The following BRF1 variants were observed in gnomAD, a reference collection of about 807,000 sequenced individuals.
The protein encoded by BRF1 is BRF1 general transcription factor IIIB subunit, also known as transcription factor IIIB 90 kDa subunit.
BRF1 carries 59 observed loss-of-function variants against 81.7 expected under a neutral mutation model. That is an observed-to-expected ratio of 0.72 (90% confidence interval 0.59 to 0.90). The LOEUF (loss-of-function observed/expected upper bound fraction) is 0.90. BRF1 is among the 40% of genes least tolerant of loss of function. BRF1 has a pLI of 0.00. For missense variants in BRF1, 1,050 were observed against 936.3 expected (o/e 1.12, Z -1.58); for synonymous variants, 491 against 395.6 (o/e 1.24, Z -2.86).
At chr14:105,224,653 T>C (rs187315900) in intron 10 of BRF1, among the ~76,000 whole-genome samples, 1,685 of 152,278 alleles carry the variant, frequency 0.011, 28 homozygotes, top group African/African-American at 0.037. Context: ...GTTCAAGTGA[T>C]CCTCCGGCCT....
At chr14:105,250,860 C>G in intron 5 of BRF1, 1 of 658,696 alleles carries the variant, frequency 1.5e-6, no homozygotes, top group Non-Finnish European at 2.6e-6. Context: ...TTAGGCATCT[C>G]TGGTACAGTG....
At chr14:105,249,024 C>G in intron 5 of BRF1, 1 of 1,165,698 alleles carries the variant, frequency 8.6e-7, no homozygotes, top group Non-Finnish European at 1.1e-6. Context: ...GCCGCCCACA[C>G]TCGGCAACAA....
In BRF1 at chr14:105,212,340, C is replaced by T. The variant is rs948754689; in HGVS notation, c.1773-176G>A. 6.6e-6 allele frequency: 5 copies of T among 761,358 alleles called. No homozygotes were observed. In the African/African-American group the frequency reaches 8.8e-5, roughly 13 times the overall value. The allele number at this position is 761,358 out of a possible 1,614,324, so 47.2% of individuals were successfully genotyped here. ...TCCATCAGTGCTCACTGCACATCAA[C>T]ACAGAGCTCTGACCCGTTCACATTC... is the stretch of plus-strand genomic sequence containing the variant. On this transcript the variant is annotated intron_variant, in intron 15 of 17. Coordinates refer to ENST00000547530, the MANE Select transcript of BRF1 (RefSeq NM_001519.4).
In BRF1 at chr14:105,226,078, C is replaced by T; in HGVS notation, c.1039G>A (p.Ala347Thr). ...GGCACAGTGGACTCACCATCTTTTG[C>T]CAGGCTGGCCAGGCCCCCCTTGGCC... is the stretch of plus-strand genomic sequence containing the variant. ...PKAKGGLASL[A>T]KDGSTEDTAS... The change falls in exon 10 of 18, where the codon GCA (alanine) becomes ACA (threonine). Residue 347 changes from alanine to threonine, a missense_variant. This residue lies in a region of BRF1 where 1,043 missense variants were observed against 915.4 expected (regional missense o/e 1.14). Transcript: ENST00000547530. The T allele has an allele frequency of 6.2e-7, 1 of 1,613,724 alleles. No homozygotes were observed. Among genetic ancestry groups the T allele is most frequent in the Non-Finnish European group, 8.5e-7 (1 of 1,179,936 alleles).
At chr14:105,228,402 GGCGTGGTGGCACACGCCTGT>G (rs2054164745) in intron 7 of BRF1, 1 of 159,486 alleles carries the variant, frequency 6.3e-6, no homozygotes, top group Non-Finnish European at 1.4e-5. Flanking sequence ...AAATTAGCCA[GGCGTGGTGGCACACGCCTGT>G]AATCCCAGCT....
At chr14:105,311,746 C>T (rs2058354827) in intron 1 of BRF1, among the ~76,000 whole-genome samples, 1 of 152,226 alleles carries the variant, frequency 6.6e-6, no homozygotes, top group African/African-American at 2.4e-5. Context: ...GCAGCGATCT[C>T]AGCGGTCTTA....
At chr14:105,229,048 G>C (rs1443196621) in intron 6 of BRF1, 135 bp from the exon 7 acceptor site, 14 of 788,226 alleles carry the variant, frequency 1.8e-5, no homozygotes, top group South Asian at 6.0e-5. Flanking sequence ...CAGGCAGTGA[G>C]ACCCTCACTT....
intron 6 of BRF1, among the ~76,000 whole-genome samples, chr14:105,229,643 CGGGG>C (rs1259085093): frequency 2.7e-5 from 4 of 150,936 alleles, no homozygotes; most frequent in African/African-American, 9.7e-5. Context: ...CAGCTGGGGG[CGGGG>C]GACAGCCTGG....
At chr14:105,247,937 C>A (rs932520729) in intron 5 of BRF1, 3 of 985,474 alleles carry the variant, frequency 3.0e-6, no homozygotes, top group Middle Eastern at 5.2e-4. Context: ...CCACAAGGAG[C>A]GAGCCTGCGA....
intron 2 of BRF1, among the ~76,000 whole-genome samples, chr14:105,275,664 C>A (rs1435583505): frequency 6.6e-6 from 1 of 152,226 alleles, no homozygotes; most frequent in Non-Finnish European, 1.5e-5. Context: ...GGCTGGGACT[C>A]GATCCCAAGC....
chr14:105,294,212 G>A (rs1240999869), intron 1 of BRF1, among the ~76,000 whole-genome samples: 1 of 152,220 alleles, frequency 6.6e-6, no homozygotes, highest in East Asian at 1.9e-4. Context: ...CTAAGAACCC[G>A]CCGCCTCGCA....
intron 5 of BRF1, chr14:105,248,573 G>GCGGGTACGGGCT (rs1555384277): frequency 1.7e-3 from 457 of 272,586 alleles, no homozygotes; most frequent in East Asian, 8.4e-3. Flanking sequence ...ACGGGCTCGG[G>GCGGGTACGGGCT]CGGGCGGGCG....
chr14:105,267,979 G>C (rs1418171789), intron 3 of BRF1, among the ~76,000 whole-genome samples: 1 of 149,272 alleles, frequency 6.7e-6, no homozygotes, highest in Non-Finnish European at 1.5e-5. Context: ...ACGCCATGGA[G>C]GCTGAGGCTG....
chr14:105,293,770 C>A (rs587614405), intron 1 of BRF1, among the ~76,000 whole-genome samples: 1 of 152,198 alleles, frequency 6.6e-6, no homozygotes, highest in Non-Finnish European at 1.5e-5. Context: ...GTGGTTTCCC[C>A]CGTGGGGCCT....
chr14:105,289,035 CAAAA>C (rs751051126), intron 1 of BRF1, among the ~76,000 whole-genome samples: 5 of 96,482 alleles, frequency 5.2e-5, no homozygotes, highest in Admixed American at 1.2e-4. Context: ...GACCCTGTCT[CAAAA>C]AAAAAAAAAA....
intron 15 of BRF1, among the ~76,000 whole-genome samples, chr14:105,214,070 C>T (rs796784954): frequency 1.8e-4 from 28 of 152,366 alleles, no homozygotes; most frequent in African/African-American, 6.7e-4. Context: ...CGCAAACCCA[C>T]TGTTGGGCTC....
At chr14:105,270,446 A>G (rs1161219592) in intron 3 of BRF1, among the ~76,000 whole-genome samples, 1 of 150,934 alleles carries the variant, frequency 6.6e-6, no homozygotes, top group Non-Finnish European at 1.5e-5. Context: ...AAGTGCTGGG[A>G]TTACAGGCGT....
intron 3 of BRF1, among the ~76,000 whole-genome samples, chr14:105,266,918 C>A (rs372677109): frequency 6.6e-6 from 1 of 152,090 alleles, no homozygotes; most frequent in Admixed American, 6.6e-5. Flanking sequence ...GTGGTGTATG[C>A]CTGTAGTCCA....
chr14:105,247,329 C>T (rs1167969771), intron 5 of BRF1: 1 of 985,378 alleles, frequency 1.0e-6, no homozygotes, highest in Non-Finnish European at 1.2e-6. Flanking sequence ...TCCACCAACA[C>T]TACGTGACAA....
Sources: gnomAD v4.1 joint callset for allele counts (sites outside exome capture counted in the v4.1 genomes callset) on GRCh38, gnomAD v4.1.1 for gene constraint, gnomAD v4.1.1 regional missense constraint, MANE v1.5 for transcripts, NCBI Gene and HGNC (gene_info 2026-07-23, HGNC 2026-07-21) for gene names.